PLAGL1: variants seen among roughly 807,000 people sequenced by gnomAD.
The protein encoded by PLAGL1 is PLAG1 like zinc finger 1, also known as zinc finger protein PLAGL1.
PLAGL1 carries 1 observed loss-of-function variant against 4.6 expected under a neutral mutation model. The observed-to-expected ratio is 0.22, with a 90% CI of 0.08 to 1.03. The LOEUF is 1.03. PLAGL1 is among the 50% of genes least tolerant of loss of function. The pLI is 0.58. For synonymous variants in PLAGL1, 240 were observed against 237.8 expected, an observed-to-expected ratio of 1.01 and a Z score of -0.08; for missense variants, 464 against 570.4, an observed-to-expected ratio of 0.81 and a Z score of 1.90.
chr6:144,000,964 T>C lies in PLAGL1; in HGVS notation c.-584+7126A>G, dbSNP rs1384923754. Reference sequence around the variant, plus strand: ...AAATTAAAAATAGAGTATACGTACATATAACTCCTAGCTCTGTCCACAGAG... The same window carrying C: ...AAATTAAAAATAGAGTATACGTACACATAACTCCTAGCTCTGTCCACAGAG... On this transcript the variant is annotated intron_variant, in intron 1 of 7. Coordinates refer to ENST00000674357, the MANE Select transcript of PLAGL1 (RefSeq NM_001317162.2). The surrounding 1 kb of genome is among the most constrained non-coding windows in gnomAD (Gnocchi z 4.1). 6.6e-6 allele frequency among the ~76,000 whole-genome samples: 1 copy of C among 152,076 alleles called. No homozygotes were observed. The highest frequency in any genetic ancestry group is 1.5e-5 in the Non-Finnish European group (1 of 67,968).
At position 143,972,300 on chromosome 6, in the gene PLAGL1, G is replaced by A. The variant is rs1785563046; in HGVS notation, c.-543-3322C>T. On this transcript the variant is annotated intron_variant, in intron 2 of 7. Coordinates refer to ENST00000674357, the MANE Select transcript of PLAGL1 (RefSeq NM_001317162.2). This position sits in a 1 kb window ranked among gnomAD's most constrained non-coding sequence, Gnocchi z 6.8. ...ATACACCTAAATAAAGAGCTACAGG[G>A]CCATGTGTTAAGTGCCATAATAGAG... Among the ~76,000 whole-genome samples, 1 of 152,172 alleles carries A rather than the reference G, an allele frequency of 6.6e-6. No individual in the cohort carries two copies. Among genetic ancestry groups the A allele is most frequent in the Non-Finnish European group, 1.5e-5 (1 of 68,042 alleles).
chr6:144,057,767 C>T (rs902823664), intron 1 of PLAGL1, among the ~76,000 whole-genome samples: 29 of 139,532 alleles, frequency 2.1e-4, no homozygotes, highest in African/African-American at 4.3e-4. Flanking sequence ...CACACCACCA[C>T]GCCTCACCAT....
intron 1 of PLAGL1, among the ~76,000 whole-genome samples, chr6:144,029,129 C>T (rs1796600897): frequency 6.6e-6 from 1 of 152,106 alleles, no homozygotes; most frequent in Non-Finnish European, 1.5e-5. Flanking sequence ...AAGTAAAGCA[C>T]CATTCTTCAG....
rs1032673040 is a variant in PLAGL1 at position 143,983,915 on chromosome 6, G to A, written c.-544+1220C>T. On this transcript the variant is annotated intron_variant, in intron 2 of 7. Transcript: ENST00000674357. This position sits in a 1 kb window ranked among gnomAD's most constrained non-coding sequence, Gnocchi z 6.6. Reference sequence around the variant, plus strand: ...TGGAAGACAAGGTCATTGAAGGAGAGGAAATCAAGAAACCGAGAAGCCAGG... The same window carrying A: ...TGGAAGACAAGGTCATTGAAGGAGAAGAAATCAAGAAACCGAGAAGCCAGG... 2.0e-5 allele frequency among the ~76,000 whole-genome samples: 3 copies of A among 151,996 alleles called. No individual in the cohort carries two copies. Among genetic ancestry groups the A allele is most frequent in the African/African-American group, 7.2e-5 (3 of 41,382 alleles).
chr6:144,030,680 TC>T (rs1009233178), intron 1 of PLAGL1, among the ~76,000 whole-genome samples: 56 of 152,220 alleles, frequency 3.7e-4, no homozygotes, highest in African/African-American at 1.2e-3. Flanking sequence ...ATTACTTCAT[TC>T]CTTTTTATGG....
intron 7 of PLAGL1, among the ~76,000 whole-genome samples, chr6:143,946,571 A>G (rs1779845104): frequency 6.6e-6 from 1 of 152,222 alleles, no homozygotes; most frequent in African/African-American, 2.4e-5. Flanking sequence ...AATTTTTAAA[A>G]CCAACTTATT....
intron 1 of PLAGL1, among the ~76,000 whole-genome samples, chr6:144,045,586 G>A (rs1798079624): frequency 6.6e-6 from 1 of 152,136 alleles, no homozygotes; most frequent in Non-Finnish European, 1.5e-5. Flanking sequence ...TCCCTTTGTG[G>A]GTAACCCGAC....
Position 144,063,272 on chromosome 6 carries a change from G to A in PLAGL1, c.-151+1196C>T, listed in dbSNP as rs377502636. Among the ~76,000 whole-genome samples, 5 of 152,082 alleles carry A rather than the reference G, an allele frequency of 3.3e-5. No individual in the cohort carries two copies. Among genetic ancestry groups the A allele is most frequent in the African/African-American group, 7.2e-5 (3 of 41,398 alleles). ...TTTCACCTCTATTACAAGTTCTCTG[G>A]GGCCACTTTACAGATGATAAAACTG... On this transcript the variant is annotated intron_variant, in intron 1 of 3. Transcript: ENST00000437412. The surrounding 1 kb of genome is among the most constrained non-coding windows in gnomAD (Gnocchi z 5.7).
intron 1 of PLAGL1, among the ~76,000 whole-genome samples, chr6:144,042,733 G>A (rs1025280165): frequency 8.5e-5 from 13 of 152,118 alleles, no homozygotes; most frequent in Non-Finnish European, 1.5e-4. Context: ...AGCTTGATGC[G>A]GATGGCATTG....
intron 1 of PLAGL1, among the ~76,000 whole-genome samples, chr6:144,054,926 T>G (rs530073050): frequency 2.6e-5 from 4 of 152,094 alleles, no homozygotes; most frequent in African/African-American, 9.6e-5. Flanking sequence ...AACATATAAA[T>G]AATAGAAATT....
At position 144,015,691 on chromosome 6, in the gene PLAGL1, C is replaced by T. The variant is rs1301912052; in HGVS notation, c.-150-46713G>A. ...AACTACAGTGAAATACCGCTACATA[C>T]CCACTGGAAAGGCTAAAGTTGAAAA... is the stretch of plus-strand genomic sequence containing the variant. On this transcript the variant is annotated intron_variant, in intron 1 of 3. Coordinates refer to the PLAGL1 transcript ENST00000437412. This position sits in a 1 kb window ranked among gnomAD's most constrained non-coding sequence, Gnocchi z 4.3. Among the ~76,000 whole-genome samples, 1 of 152,172 alleles carries T rather than the reference C, an allele frequency of 6.6e-6. No homozygotes were observed. Among genetic ancestry groups the T allele is most frequent in the East Asian group, 1.9e-4 (1 of 5,202 alleles).
intron 1 of PLAGL1, among the ~76,000 whole-genome samples, chr6:144,001,387 C>T (rs1792848326): frequency 6.6e-6 from 1 of 151,934 alleles, no homozygotes; most frequent in Non-Finnish European, 1.5e-5. Context: ...ACCAATCTTT[C>T]TTAGAGAAGA....
chr6:143,977,464 C>CTTT (rs1786908041), intron 2 of PLAGL1, among the ~76,000 whole-genome samples: 2 of 98,316 alleles, frequency 2.0e-5, no homozygotes, highest in East Asian at 3.1e-4. Context: ...TTTTCTTCTT[C>CTTT]TTCTTCTTTT....
At position 144,016,606 on chromosome 6, in the gene PLAGL1, C is replaced by A. The variant is rs1032544935; in HGVS notation, c.-150-47628G>T. 6.6e-6 allele frequency among the ~76,000 whole-genome samples: 1 copy of A among 152,122 alleles called. No individual in the cohort carries two copies. The highest frequency in any genetic ancestry group is 1.5e-5 in the Non-Finnish European group (1 of 68,026). On this transcript the variant is annotated intron_variant, in intron 1 of 3. Coordinates refer to the PLAGL1 transcript ENST00000437412. This position sits in a 1 kb window ranked among gnomAD's most constrained non-coding sequence, Gnocchi z 4.2. The stretch of plus-strand genomic sequence containing the variant: ...TCTAAAGCAGATCAATAGTTTTCTA[C>A]AGTGGAAGGAGGGGAGGTGTTGGAG...
upstream of PLAGL1, among the ~76,000 whole-genome samples, chr6:144,012,743 A>G (rs1416734267): frequency 6.6e-6 from 1 of 152,186 alleles, no homozygotes. The surrounding 1 kb of genome is among the most constrained non-coding windows in gnomAD (Gnocchi z 4.8). Flanking sequence ...CTTTCCCTCA[A>G]TGACGCATGC....
At chr6:143,987,189 A>C (rs1005469074) in intron 1 of PLAGL1, among the ~76,000 whole-genome samples, 1 of 152,058 alleles carries the variant, frequency 6.6e-6, no homozygotes, top group Non-Finnish European at 1.5e-5. Context: ...AATCTCCCCC[A>C]GTTACTCAAG....
At chr6:144,026,758 G>A (rs1796372163) in intron 1 of PLAGL1, among the ~76,000 whole-genome samples, 1 of 152,190 alleles carries the variant, frequency 6.6e-6, no homozygotes, top group South Asian at 2.1e-4. Context: ...ATCTGTTAGT[G>A]CTTAATCCTT....
chr6:144,040,993 G>T (rs920589759), intron 1 of PLAGL1, among the ~76,000 whole-genome samples: 1 of 152,176 alleles, frequency 6.6e-6, no homozygotes, highest in South Asian at 2.1e-4. Context: ...GAATATAGTA[G>T]TTAGAAAGGG....
At position 143,985,797 on chromosome 6, in the gene PLAGL1, G is replaced by A. The variant is rs773989743; in HGVS notation, c.-583-623C>T. Among the ~76,000 whole-genome samples the A allele has an allele frequency of 5.0e-4, 76 of 151,360 alleles. No homozygotes were observed. Among genetic ancestry groups the A allele is most frequent in the Non-Finnish European group, 9.3e-4 (63 of 67,848 alleles). ...CAAAACGCAAAAAGTAAGGGAGTCAGAAATGTTGTCTGCACTCACAGATTC... is the reference window on the plus strand; with the variant it reads ...CAAAACGCAAAAAGTAAGGGAGTCAAAAATGTTGTCTGCACTCACAGATTC... On this transcript the variant is annotated intron_variant, in intron 1 of 7. Coordinates refer to ENST00000674357, the MANE Select transcript of PLAGL1 (RefSeq NM_001317162.2). The surrounding 1 kb of genome is among the most constrained non-coding windows in gnomAD (Gnocchi z 4.4).
Sources: allele counts gnomAD v4.1 joint callset (sites outside exome capture counted in the v4.1 genomes callset), GRCh38; gene constraint gnomAD v4.1.1; non-coding constraint Gnocchi (gnomAD v3.1); transcripts MANE v1.5; gene names NCBI Gene and HGNC (gene_info 2026-07-23, HGNC 2026-07-21).